TADA2A: variants seen among roughly 807,000 people sequenced by gnomAD.
The protein encoded by TADA2A is transcriptional adapter 2-alpha.
Under a neutral mutation model 67.4 loss-of-function variants are expected in TADA2A, and 38 were observed. The observed-to-expected ratio is 0.56, with a 90% CI of 0.44 to 0.74. The LOEUF (loss-of-function observed/expected upper bound fraction) is 0.74, where lower values mean the gene tolerates loss of function less well. TADA2A is among the 30% of genes least tolerant of loss of function. The pLI is 0.00. For synonymous variants in TADA2A, 192 were observed against 181.6 expected (o/e 1.06, Z -0.46); for missense variants, 454 against 547.0 (o/e 0.83, Z 1.70).
chr17:37,430,701 T>C (rs1289465572), intron 4 of TADA2A, among the ~76,000 whole-genome samples: 1 of 152,098 alleles, frequency 6.6e-6, no homozygotes, highest in Non-Finnish European at 1.5e-5. Context: ...GGTCCAGGAG[T>C]TGAATAATAT....
rs971880853 is a variant in TADA2A, at chr17:37,467,377, T to TG, written c.824-76dup. 2.0e-5 allele frequency: 24 copies of TG among 1,180,888 alleles called. No individual in the cohort carries two copies. The African/African-American group carries it at 2.3e-4, about 11-fold the overall frequency. The allele number at this position is 1,180,888 out of a possible 1,614,324, so 73.2% of individuals were successfully genotyped here. A position where few individuals can be genotyped will look rare whatever the true frequency, so the allele number is the denominator to read the frequency against. The stretch of plus-strand genomic sequence containing the variant: ...TCTTATAAGGCAGAATTAATGAAAA[T>TG]GCTCAATAGCAAAAGTGCTCACTAA... On this transcript the variant is annotated intron_variant, in intron 11 of 15. Coordinates refer to ENST00000615182, the MANE Select transcript of TADA2A (RefSeq NM_001166105.3).
intron 3 of TADA2A, among the ~76,000 whole-genome samples, chr17:37,424,471 G>A (rs575030261): frequency 1.0e-4 from 15 of 149,054 alleles, no homozygotes; most frequent in African/African-American, 3.0e-4. Flanking sequence ...CTCTTGCCTC[G>A]CAGATTGCAC....
intron 8 of TADA2A, among the ~76,000 whole-genome samples, chr17:37,453,110 C>T (rs1020139615): frequency 6.6e-6 from 1 of 152,092 alleles, no homozygotes; most frequent in African/African-American, 2.4e-5. Flanking sequence ...CTGCTCATAG[C>T]CCAGCATGTA....
chr17:37,449,121 C>T (rs371922833), intron 8 of TADA2A, among the ~76,000 whole-genome samples: 154 of 152,006 alleles, frequency 1.0e-3, no homozygotes, highest in African/African-American at 3.4e-3. Flanking sequence ...CCTGGGTTCA[C>T]GCCATTCTCC....
chr17:37,477,138 T>G lies in TADA2A; in HGVS notation c.*156T>G. 1 of 718,332 alleles carries G rather than the reference T, an allele frequency of 1.4e-6. No homozygotes were observed. 44.5% of individuals were successfully genotyped at this position (718,332 alleles called of 1,614,324 possible). On this transcript the variant is annotated 3_prime_UTR_variant, in exon 16 of 16. Coordinates refer to ENST00000615182, the MANE Select transcript of TADA2A (RefSeq NM_001166105.3). Reference sequence around the variant, plus strand: ...AAACCTTAAGTTGTATTGTCTACTTTCTTCTCCATCCTGCTTTAAAACACT... The same window carrying G: ...AAACCTTAAGTTGTATTGTCTACTTGCTTCTCCATCCTGCTTTAAAACACT...
At chr17:37,433,126 A>T (rs1337045342) in intron 4 of TADA2A, among the ~76,000 whole-genome samples, 1 of 151,532 alleles carries the variant, frequency 6.6e-6, no homozygotes, top group African/African-American at 2.4e-5. Flanking sequence ...TCTTAAAAAT[A>T]TAGGGAAATA....
Position 37,474,614 on chromosome 17 carries a change from T to TG in TADA2A, c.1132dup (p.Glu378GlyfsTer29). 6.2e-7 allele frequency: 1 copy of TG among 1,612,412 alleles called. No homozygotes were observed. The highest frequency in any genetic ancestry group is 1.1e-5 in the South Asian group (1 of 90,630). ...GCCTCCCTGGCACAGAGAAGCTGAA[T>TG]GAAAAAGAAAAGGAGGTAACAAAAG... On this transcript the variant is annotated frameshift_variant, in exon 15 of 16. Coordinates refer to ENST00000615182, the MANE Select transcript of TADA2A (RefSeq NM_001166105.3). LOFTEE classifies it high-confidence loss of function.
At chr17:37,413,207 G>A (rs564106216) in intron 2 of TADA2A, among the ~76,000 whole-genome samples, 13 of 152,222 alleles carry the variant, frequency 8.5e-5, no homozygotes, top group African/African-American at 2.6e-4. Flanking sequence ...GATTACAAGC[G>A]TGAGCCACCG....
At position 37,477,084 on chromosome 17, in the gene TADA2A, C is replaced by A; in HGVS notation, c.*102C>A. The stretch of plus-strand genomic sequence containing the variant: ...GAGAGTTGTTTTTCAGCTGAATTCT[C>A]ATGGTGAAAACAGGGGAAAGGACAA... On this transcript the variant is annotated 3_prime_UTR_variant, in exon 16 of 16. Transcript: ENST00000615182. 8.1e-7 allele frequency: 1 copy of A among 1,233,720 alleles called. No individual in the cohort carries two copies. Among genetic ancestry groups the A allele is most frequent in the Non-Finnish European group, 1.1e-6 (1 of 890,418 alleles). The allele number at this position is 1,233,720 out of a possible 1,614,324, so 76.4% of individuals were successfully genotyped here.
chr17:37,462,009 A>G lies in TADA2A; in HGVS notation c.669-69A>G, dbSNP rs140784374. 9.3e-5 allele frequency: 110 copies of G among 1,178,996 alleles called. No individual in the cohort carries two copies. The African/African-American group carries it at 1.5e-3, about 16-fold the overall frequency. The allele number at this position is 1,178,996 out of a possible 1,614,324, so 73.0% of individuals were successfully genotyped here. On this transcript the variant is annotated intron_variant, in intron 9 of 15. Transcript: ENST00000615182. Reference sequence around the variant, plus strand: ...AGCATGTTTATGTCTGATGATAGCTATATGTGTAAAGCATTAGTAAATGTG... The same window carrying G: ...AGCATGTTTATGTCTGATGATAGCTGTATGTGTAAAGCATTAGTAAATGTG...
chr17:37,432,266 G>A (rs2052592880), intron 4 of TADA2A, among the ~76,000 whole-genome samples: 1 of 152,034 alleles, frequency 6.6e-6, no homozygotes, highest in Admixed American at 6.6e-5. Context: ...CCGGGTTCAA[G>A]CAGTTCTCCT....
intron 9 of TADA2A, among the ~76,000 whole-genome samples, chr17:37,460,632 A>G (rs2053525842): frequency 6.6e-6 from 1 of 152,194 alleles, no homozygotes; most frequent in Non-Finnish European, 1.5e-5. Context: ...GAAATTCTGA[A>G]CAAGTTTCAG....
At chr17:37,473,233 A>G (rs1441189927) in intron 14 of TADA2A, among the ~76,000 whole-genome samples, 1 of 142,068 alleles carries the variant, frequency 7.0e-6, no homozygotes, top group Non-Finnish European at 1.5e-5. Context: ...TCAGCCTCCC[A>G]AAGTGCTCAG....
At chr17:37,444,857 A>G (rs1389393927) in intron 8 of TADA2A, 89 bp downstream of exon 8, 2 of 1,191,184 alleles carry the variant, frequency 1.7e-6, no homozygotes, top group Non-Finnish European at 1.2e-6. Flanking sequence ...TGAATAGAAC[A>G]TGTCCCCTGC....
In TADA2A at chr17:37,440,382, C is replaced by G. The variant is rs2052876944; in HGVS notation, c.285-123C>G. On this transcript the variant is annotated intron_variant, in intron 5 of 15. Transcript: ENST00000615182. ...TTTTCTGCTGATATCTTTTTGATAT[C>G]AATTTGGAAATATGAGAGTATATTA... 1.2e-5 allele frequency: 13 copies of G among 1,129,860 alleles called. No individual in the cohort carries two copies. The East Asian group carries it at 3.4e-4, about 29-fold the overall frequency. The allele number at this position is 1,129,860 out of a possible 1,614,324, so 70.0% of individuals were successfully genotyped here.
chr17:37,445,033 C>G (rs749176451), intron 8 of TADA2A, among the ~76,000 whole-genome samples: 5 of 152,096 alleles, frequency 3.3e-5, no homozygotes, highest in African/African-American at 7.2e-5. Context: ...TGAGGTAAAT[C>G]TACACTAAGG....
chr17:37,451,967 A>G (rs1028318261), intron 8 of TADA2A, among the ~76,000 whole-genome samples: 3 of 149,494 alleles, frequency 2.0e-5, no homozygotes, highest in African/African-American at 7.4e-5. Flanking sequence ...CTGGGCGACA[A>G]GAGCAAAACT....
intron 2 of TADA2A, among the ~76,000 whole-genome samples, chr17:37,413,035 C>T (rs1333329924): frequency 6.6e-6 from 1 of 151,882 alleles, no homozygotes; most frequent in African/African-American, 2.4e-5. Flanking sequence ...TCAAGCAATT[C>T]TCCGTCTCAG....
chr17:37,472,273 C>T (rs2053804771), intron 14 of TADA2A, among the ~76,000 whole-genome samples: 1 of 151,986 alleles, frequency 6.6e-6, no homozygotes, highest in Non-Finnish European at 1.5e-5. Context: ...GCCATGCTGG[C>T]CAGGCTGGTC....
Sources: gnomAD v4.1 joint callset for allele counts (sites outside exome capture counted in the v4.1 genomes callset) on GRCh38, gnomAD v4.1.1 for gene constraint, MANE v1.5 for transcripts, NCBI Gene and HGNC (gene_info 2026-07-23, HGNC 2026-07-21) for gene names.